Variants in CTNNA2 observed in about 807,000 individuals in gnomAD.
The protein encoded by CTNNA2 is catenin alpha-2.
In CTNNA2, 42 loss-of-function variants were observed where a neutral mutation model predicts 101.0. That is an observed-to-expected ratio of 0.42 (90% CI 0.32 to 0.54). The LOEUF (loss-of-function observed/expected upper bound fraction) is 0.54, where lower values mean the gene tolerates loss of function less well. Among genes scored for constraint, CTNNA2 ranks in the 20% least tolerant of loss-of-function variants. The pLI, the probability that CTNNA2 is intolerant of heterozygous loss-of-function variation, is 0.14. For synonymous variants in CTNNA2, 450 were observed against 456.4 expected (o/e 0.99, Z 0.18); for missense variants, 871 against 1,223.1 (o/e 0.71, Z 4.29).
At chr2:80,423,687 T>C (rs1680731857) in intron 9 of CTNNA2, among the ~76,000 whole-genome samples, 1 of 150,258 alleles carries the variant, frequency 6.7e-6, no homozygotes, top group Non-Finnish European at 1.5e-5. Context: ...TCCAGACAGG[T>C]TTATTGCTCA....
chr2:79,226,328 A>G (rs1351727630), intron 2 of CTNNA2, among the ~76,000 whole-genome samples: 4 of 152,182 alleles, frequency 2.6e-5, no homozygotes, highest in South Asian at 2.1e-4. Flanking sequence ...TTTCTCATCT[A>G]TAAAACTGGA....
intron 7 of CTNNA2, among the ~76,000 whole-genome samples, chr2:79,996,335 T>C (rs1692543808): frequency 6.6e-6 from 1 of 152,178 alleles, no homozygotes; most frequent in Non-Finnish European, 1.5e-5. Context: ...TGCTGCTTGA[T>C]ATTTGGCCTC....
At chr2:80,043,077 TTCTTTCTTTCTTTCTTTCTCTCTC>T (rs1324501512) in intron 7 of CTNNA2, among the ~76,000 whole-genome samples, 7,359 of 52,334 alleles carry the variant, frequency 0.14, 689 homozygotes, top group African/African-American at 0.16. Flanking sequence ...CTTTCTTTCT[TTCTTTCTTTCTTTCTTTCTCTCTC>T]TCTCTCTCTC....
chr2:80,157,594 TA>T (rs1704064122), intron 7 of CTNNA2, among the ~76,000 whole-genome samples: 1 of 152,160 alleles, frequency 6.6e-6, no homozygotes, highest in African/African-American at 2.4e-5. Context: ...GAATGGTTTC[TA>T]TTTTTTTTTC....
At chr2:80,036,846 TGTGAGAGAGAGAGA>T (rs1432805171) in intron 7 of CTNNA2, among the ~76,000 whole-genome samples, 7 of 109,150 alleles carry the variant, frequency 6.4e-5, no homozygotes, top group Non-Finnish European at 9.5e-5. Context: ...TGTGTGTGTG[TGTGAGAGAGAGAGA>T]GAGAGAGAGA....
chr2:80,594,386 G>A (rs565270308), intron 15 of CTNNA2, among the ~76,000 whole-genome samples: 168 of 151,728 alleles, frequency 1.1e-3, no homozygotes, highest in African/African-American at 3.7e-3. Context: ...GGTATATTCC[G>A]GATATTAATT....
intron 3 of CTNNA2, among the ~76,000 whole-genome samples, chr2:79,854,132 T>TTA (rs1553383401): frequency 2.0e-5 from 3 of 151,266 alleles, no homozygotes; most frequent in Admixed American, 6.6e-5. Context: ...CATTTTTTTT[T>TTA]TATATATATT....
chr2:79,764,961 A>G (rs889986246), intron 3 of CTNNA2, among the ~76,000 whole-genome samples: 1 of 152,170 alleles, frequency 6.6e-6, no homozygotes. Context: ...TTCAGTATGC[A>G]TATGTGTTAG....
At chr2:79,615,673 C>G (rs904945205) in intron 1 of CTNNA2, among the ~76,000 whole-genome samples, 1 of 152,156 alleles carries the variant, frequency 6.6e-6, no homozygotes, top group African/African-American at 2.4e-5. Flanking sequence ...GGCTCTCAAA[C>G]TTTGTTTTTC....
intron 1 of CTNNA2, among the ~76,000 whole-genome samples, chr2:79,523,890 G>A (rs1346699563): frequency 6.6e-6 from 1 of 152,018 alleles, no homozygotes; most frequent in African/African-American, 2.4e-5. Context: ...CCTTTGCTGT[G>A]ATGAGTGTGT....
chr2:80,514,756 T>C (rs1688975246), intron 9 of CTNNA2, among the ~76,000 whole-genome samples: 1 of 152,116 alleles, frequency 6.6e-6, no homozygotes, highest in African/African-American at 2.4e-5. Context: ...TCAAGCCGCT[T>C]CTGTCTCCCT....
At chr2:80,488,752 T>C (rs1686797929) in intron 9 of CTNNA2, among the ~76,000 whole-genome samples, 1 of 152,202 alleles carries the variant, frequency 6.6e-6, no homozygotes, top group South Asian at 2.1e-4. Context: ...GTCATAGAAC[T>C]AAGTCCCAGG....
At chr2:80,294,562 A>G (rs1393866618) in intron 7 of CTNNA2, among the ~76,000 whole-genome samples, 2 of 152,148 alleles carry the variant, frequency 1.3e-5, no homozygotes, top group Non-Finnish European at 2.9e-5. Flanking sequence ...TGAGTTGTCC[A>G]TGCTGTGAGT....
At chr2:80,295,157 T>C (rs1348906203) in intron 7 of CTNNA2, among the ~76,000 whole-genome samples, 2 of 152,032 alleles carry the variant, frequency 1.3e-5, no homozygotes, top group African/African-American at 4.8e-5. Context: ...ACTAGAAAGG[T>C]CTCTCAATTC....
chr2:80,075,036 C>T (rs931123549), intron 7 of CTNNA2, among the ~76,000 whole-genome samples: 1 of 152,052 alleles, frequency 6.6e-6, no homozygotes, highest in Non-Finnish European at 1.5e-5. Flanking sequence ...ATATCCCTTC[C>T]CTTACTGTTT....
At chr2:79,285,068 C>G (rs1272317778) in intron 2 of CTNNA2, among the ~76,000 whole-genome samples, 1 of 147,882 alleles carries the variant, frequency 6.8e-6, no homozygotes, top group East Asian at 2.0e-4. Context: ...GTAGTATTCT[C>G]TGATGGTAGT....
intron 4 of CTNNA2, among the ~76,000 whole-genome samples, chr2:79,451,562 T>C (rs752340919): frequency 6.6e-6 from 1 of 151,768 alleles, no homozygotes; most frequent in Non-Finnish European, 1.5e-5. Context: ...GAGACTGGAG[T>C]TAAAAAAAAT....
At chr2:79,871,428 TAGAG>T (rs1214787933) in intron 5 of CTNNA2, among the ~76,000 whole-genome samples, 1 of 152,116 alleles carries the variant, frequency 6.6e-6, no homozygotes, top group Non-Finnish European at 1.5e-5. Context: ...GAGAGAGAGA[TAGAG>T]AGCCCCAGGA....
At chr2:79,628,487 G>C (rs567817353) in intron 1 of CTNNA2, among the ~76,000 whole-genome samples, 1 of 151,688 alleles carries the variant, frequency 6.6e-6, no homozygotes, top group Non-Finnish European at 1.5e-5. Flanking sequence ...TTCAATATCC[G>C]GTTGTCAACT....
Sources: allele counts gnomAD v4.1 joint callset (sites outside exome capture counted in the v4.1 genomes callset), GRCh38; gene constraint gnomAD v4.1.1; transcripts MANE v1.5; gene names NCBI Gene and HGNC (gene_info 2026-07-23, HGNC 2026-07-21).